The following DMXL1 variants were observed in gnomAD, a reference collection of about 807,000 sequenced individuals.
DMXL1 encodes Dmx like 1, also known as dmX-like protein 1.
Under a neutral mutation model 319.2 loss-of-function variants are expected in DMXL1, and 99 were observed. The ratio of observed to expected loss-of-function variants is 0.31; its 90% CI spans 0.26 to 0.37. DMXL1 has a LOEUF of 0.37. Ranked by LOEUF, DMXL1 falls within the 10% of genes least tolerant of loss-of-function variation. The pLI, the probability that DMXL1 is intolerant of heterozygous loss-of-function variation, is 1.00. For synonymous variants in DMXL1, 1,385 were observed against 1,235.2 expected (o/e 1.12, Z -2.54); for missense variants, 3,745 against 3,595.6 (o/e 1.04, Z -1.06).
chr5:119,181,778 C>CTCCA (rs1776818722), intron 28 of DMXL1, among the ~76,000 whole-genome samples: 1 of 152,040 alleles, frequency 6.6e-6, no homozygotes, highest in African/African-American at 2.4e-5. Flanking sequence ...CGCCACTGCA[C>CTCCA]TCCAGCCTGG....
At chr5:119,078,825 C>CT (rs1241951047) in intron 1 of DMXL1, among the ~76,000 whole-genome samples, 1 of 152,218 alleles carries the variant, frequency 6.6e-6, no homozygotes, top group Non-Finnish European at 1.5e-5. Flanking sequence ...GGAAATCAGA[C>CT]TTTAATTCTT....
intron 1 of DMXL1, among the ~76,000 whole-genome samples, chr5:119,080,009 A>G (rs886647143): frequency 1.3e-5 from 2 of 152,136 alleles, no homozygotes; most frequent in African/African-American, 2.4e-5. Flanking sequence ...TTAGCTTCAT[A>G]TTGATAATTT....
intron 1 of DMXL1, among the ~76,000 whole-genome samples, chr5:119,084,521 G>T (rs78189763): frequency 0.031 from 4,670 of 152,172 alleles, 106 homozygotes; most frequent in Non-Finnish European, 0.046. Flanking sequence ...TTTCTTTGAA[G>T]AATGTAATCT....
chr5:119,204,508 A>G (rs1369989975), intron 33 of DMXL1, among the ~76,000 whole-genome samples: 1 of 151,038 alleles, frequency 6.6e-6, no homozygotes, highest in Non-Finnish European at 1.5e-5. Flanking sequence ...ACAAACCCAA[A>G]TTAACCTGTA....
chr5:119,185,558 A>C (rs923935503), intron 28 of DMXL1, among the ~76,000 whole-genome samples: 3 of 152,076 alleles, frequency 2.0e-5, no homozygotes. Context: ...GCTGGAGTGC[A>C]CTGGCATGAT....
At chr5:119,235,297 A>C (rs1787542588) in intron 39 of DMXL1, among the ~76,000 whole-genome samples, 1 of 152,192 alleles carries the variant, frequency 6.6e-6, no homozygotes, top group South Asian at 2.1e-4. Context: ...AGAATATATT[A>C]CATTTATACA....
chr5:119,175,332 CTA>C lies in DMXL1; in HGVS notation c.6754_6755del (p.Tyr2252GlnfsTer31). 6.2e-7 allele frequency: 1 copy of C among 1,604,920 alleles called. No individual in the cohort carries two copies. Among genetic ancestry groups the C allele is most frequent in the Non-Finnish European group, 8.5e-7 (1 of 1,173,914 alleles). On this transcript the variant is annotated frameshift_variant, in exon 26 of 44. Transcript: ENST00000539542. LOFTEE classifies it high-confidence loss of function. The part of the protein sequence containing the change: ...IYQCLCGSHN[Y>X]SSFQTNQFTG... ...ATCAGTGCCTTTGTGGTAGTCATAA[CTA>C]CAGGTAACTATCTTTTTATGAAATT...
At chr5:119,105,792 G>C (rs1758206996) in intron 4 of DMXL1, among the ~76,000 whole-genome samples, 1 of 151,938 alleles carries the variant, frequency 6.6e-6, no homozygotes, top group Non-Finnish European at 1.5e-5. Context: ...AGCTACTTGG[G>C]AGGCTGAGGC....
intron 34 of DMXL1, among the ~76,000 whole-genome samples, chr5:119,207,480 A>C (rs1042948857): frequency 6.6e-5 from 10 of 151,350 alleles, no homozygotes; most frequent in African/African-American, 2.2e-4. Flanking sequence ...TTATGAAAAA[A>C]CTCCTAGGCG....
intron 9 of DMXL1, among the ~76,000 whole-genome samples, chr5:119,122,130 C>T (rs1311876114): frequency 3.1e-5 from 4 of 127,600 alleles, no homozygotes; most frequent in East Asian, 2.5e-4. Context: ...GCTGGCCGGG[C>T]GGGGGGCTGA....
At chr5:119,075,812 G>T (rs965366337) in intron 1 of DMXL1, among the ~76,000 whole-genome samples, 1 of 151,622 alleles carries the variant, frequency 6.6e-6, no homozygotes. Flanking sequence ...TGATCCTCCC[G>T]CCTTGGCCTC....
At chr5:119,152,710 C>A (rs1213248149) in intron 19 of DMXL1, among the ~76,000 whole-genome samples, 3 of 152,130 alleles carry the variant, frequency 2.0e-5, no homozygotes, top group African/African-American at 7.2e-5. Context: ...CACTTAAGTT[C>A]ACTTAAACAA....
intron 13 of DMXL1, among the ~76,000 whole-genome samples, chr5:119,139,164 C>A (rs976549717): frequency 1.3e-5 from 2 of 151,734 alleles, no homozygotes; most frequent in African/African-American, 2.4e-5. Context: ...ATCACTACCA[C>A]CTAATATAAA....
intron 1 of DMXL1, among the ~76,000 whole-genome samples, chr5:119,097,506 AG>A: frequency 6.6e-6 from 1 of 152,078 alleles, no homozygotes; most frequent in East Asian, 1.9e-4. Context: ...TCACGAGGTC[AG>A]GAGATCAAGA....
intron 32 of DMXL1, among the ~76,000 whole-genome samples, chr5:119,201,856 A>G (rs1350337440): frequency 1.3e-5 from 2 of 152,188 alleles, no homozygotes; most frequent in Non-Finnish European, 2.9e-5. Flanking sequence ...CTGTGTGCAT[A>G]GAGGTGTCCA....
In DMXL1 at chr5:119,144,636, C is replaced by T; in HGVS notation, c.2567C>T (p.Ala856Val). 1 of 1,566,136 alleles carries T rather than the reference C, an allele frequency of 6.4e-7. No individual in the cohort carries two copies. Among genetic ancestry groups the T allele is most frequent in the South Asian group, 1.2e-5 (1 of 85,966 alleles). ...GGCAAAGACAGCATTTTATCTAATG[C>T]AGGTAAGGAAGAATTATTTATGGAA... is the stretch of plus-strand genomic sequence containing the variant. ...SLGKDSILSNAGSSPNGFSEK... is the reference protein window; with the variant it reads ...SLGKDSILSNVGSSPNGFSEK... The change falls in exon 15 of 44, where the codon GCA (alanine) becomes GTA (valine). Residue 856 changes from alanine to valine, a missense_variant and splice_region_variant. This residue lies in a region of DMXL1 where 2,096 missense variants were observed against 1,985.4 expected (regional missense o/e 1.06). Transcript: ENST00000539542.
At chr5:119,223,812 C>A (rs887826114) in intron 37 of DMXL1, among the ~76,000 whole-genome samples, 2 of 151,906 alleles carry the variant, frequency 1.3e-5, no homozygotes, top group South Asian at 4.1e-4. Flanking sequence ...AGAATAGGAA[C>A]CTTCAGGCAT....
intron 38 of DMXL1, among the ~76,000 whole-genome samples, chr5:119,227,610 CT>C (rs1785834378): frequency 6.6e-6 from 1 of 151,958 alleles, no homozygotes; most frequent in African/African-American, 2.4e-5. Context: ...GCCAGTTTTT[CT>C]GTTTTTTGGT....
At chr5:119,119,995 C>G (rs914284887) in intron 8 of DMXL1, among the ~76,000 whole-genome samples, 1 of 152,014 alleles carries the variant, frequency 6.6e-6, no homozygotes, top group South Asian at 2.1e-4. Context: ...GTAGTCCCTC[C>G]TCAGCCTCCC....
Sources: allele counts gnomAD v4.1 joint callset (sites outside exome capture counted in the v4.1 genomes callset), GRCh38; gene constraint gnomAD v4.1.1; regional missense constraint gnomAD v4.1.1; transcripts MANE v1.5; gene names NCBI Gene and HGNC (gene_info 2026-07-23, HGNC 2026-07-21).